Variants in SSC5D observed in about 807,000 individuals in gnomAD.
The protein encoded by SSC5D is soluble scavenger receptor cysteine-rich domain-containing protein SSC5D.
Under a neutral mutation model 104.6 loss-of-function variants are expected in SSC5D, and 106 were observed. That is an observed-to-expected ratio of 1.01 (90% CI 0.87 to 1.19). The LOEUF is 1.19. Among genes scored for constraint, SSC5D ranks in the 50% most tolerant of loss-of-function variants. The pLI is 0.00. For missense variants in SSC5D, 1,993 were observed against 2,153.8 expected (o/e 0.93, Z 1.48); for synonymous variants, 860 against 883.5 (o/e 0.97, Z 0.47).
intron 12 of SSC5D, among the ~76,000 whole-genome samples, chr19:55,501,538 G>C (rs943257729): frequency 1.3e-5 from 2 of 152,126 alleles, no homozygotes; most frequent in Non-Finnish European, 2.9e-5. Flanking sequence ...CCCCACCCCA[G>C]CTCCCCCAGA....
chr19:55,500,787 TG>T lies in SSC5D; in HGVS notation c.2604del (p.Leu869SerfsTer54). The T allele has an allele frequency of 6.5e-7, 1 of 1,546,898 alleles. No individual in the cohort carries two copies. Among genetic ancestry groups the T allele is most frequent in the Non-Finnish European group, 8.7e-7 (1 of 1,145,316 alleles). ...CACAACTGTGACCACGAGGAAGACG[TG>T]GGGCTCACCTGCACTGGTACCAGGG... The part of the protein sequence containing the change: ...GKHNCDHEED[V>X]GLTCTGYTDY... On this transcript the variant is annotated frameshift_variant, in exon 11 of 14. Coordinates refer to ENST00000389623, the MANE Select transcript of SSC5D (RefSeq NM_001144950.2). LOFTEE classifies it high-confidence loss of function. This position sits in a 1 kb window ranked among gnomAD's most constrained non-coding sequence, Gnocchi z 4.6.
intron 6 of SSC5D, chr19:55,492,648 G>C (rs941315856): frequency 6.6e-6 from 1 of 152,052 alleles, no homozygotes; most frequent in Non-Finnish European, 1.5e-5. Context: ...ACAGTGATTG[G>C]GGGCAATTCT....
intron 9 of SSC5D, among the ~76,000 whole-genome samples, 173 bp from the exon 10 acceptor site, chr19:55,499,643 C>G (rs553398165): frequency 6.6e-6 from 1 of 152,188 alleles, no homozygotes; most frequent in South Asian, 2.1e-4. Flanking sequence ...ACCCGAGGGT[C>G]TAATATGGTG....
chr19:55,518,927 A>C lies in SSC5D; in HGVS notation c.4651A>C (p.Thr1551Pro), dbSNP rs1987961496. 1 of 1,550,242 alleles carries C rather than the reference A, an allele frequency of 6.5e-7. No individual in the cohort carries two copies. Among genetic ancestry groups the C allele is most frequent in the South Asian group, 1.2e-5 (1 of 84,070 alleles). Residue 1551 changes from threonine to proline, a missense_variant, in exon 14 of 14, where the codon ACC (threonine) becomes CCC (proline). Transcript: ENST00000389623. ...AVKRLAEMAW[T>P]TSMPAPTTTT... is the part of the protein sequence containing the mutation. Reference sequence around the variant, plus strand: ...GAAGAGACTGGCAGAGATGGCCTGGACCACCAGCATGCCTGCACCAACCAC... The same window carrying C: ...GAAGAGACTGGCAGAGATGGCCTGGCCCACCAGCATGCCTGCACCAACCAC...
intron 8 of SSC5D, among the ~76,000 whole-genome samples, chr19:55,495,665 G>T (rs1239917432): frequency 6.6e-6 from 1 of 152,066 alleles, no homozygotes; most frequent in Non-Finnish European, 1.5e-5. Flanking sequence ...AGAGGATGGC[G>T]TGCCACACGG....
chr19:55,505,547 C>G (rs572828459), intron 12 of SSC5D, among the ~76,000 whole-genome samples: 1 of 151,896 alleles, frequency 6.6e-6, no homozygotes, highest in South Asian at 2.1e-4. Context: ...AAGGCGCCAG[C>G]AGGGTGGTTC....
chr19:55,516,320 A>AC (rs1284679982), intron 13 of SSC5D, among the ~76,000 whole-genome samples: 2 of 151,864 alleles, frequency 1.3e-5, no homozygotes, highest in African/African-American at 4.8e-5. Flanking sequence ...ACACGGTGAA[A>AC]CCCCGTCTCT....
chr19:55,493,862 G>T lies in SSC5D; in HGVS notation c.1163G>T (p.Trp388Leu). The stretch of plus-strand genomic sequence containing the variant: ...TTACGATTCTGCCCAGCTCGGCCCT[G>T]GGGCCAGCATGACTGTCACCACCGC... ...TALRFCPARP[W>L]GQHDCHHRED... is the part of the protein sequence containing the mutation. Residue 388 changes from tryptophan to leucine, a missense_variant, in exon 7 of 14, where the codon TGG becomes TTG. Coordinates refer to ENST00000389623, the MANE Select transcript of SSC5D (RefSeq NM_001144950.2). The T allele has an allele frequency of 6.5e-7, 1 of 1,549,034 alleles. No individual in the cohort carries two copies. Among genetic ancestry groups the T allele is most frequent in the Non-Finnish European group, 8.7e-7 (1 of 1,146,668 alleles).
At chr19:55,504,764 T>G (rs1429330196) in intron 12 of SSC5D, among the ~76,000 whole-genome samples, 1 of 152,126 alleles carries the variant, frequency 6.6e-6, no homozygotes, top group Non-Finnish European at 1.5e-5. Context: ...CCCGAAGTGC[T>G]GAGATTACAG....
chr19:55,500,381 C>T lies in SSC5D; in HGVS notation c.2271C>T (p.Pro757=), dbSNP rs1389879927. 5 of 1,551,288 alleles carry T rather than the reference C, an allele frequency of 3.2e-6. No homozygotes were observed. Among genetic ancestry groups the T allele is most frequent in the Non-Finnish European group, 4.4e-6 (5 of 1,146,860 alleles). The change falls in exon 10 of 14, where the codon CCC becomes CCT. Residue 757 remains proline, a synonymous_variant. Transcript: ENST00000389623. This position sits in a 1 kb window ranked among gnomAD's most constrained non-coding sequence, Gnocchi z 4.6. ...GSPESPKDPA[P]SPSVSTTGES... is the part of the protein sequence containing the mutation. ...CAGAGTCACCCAAAGACCCGGCCCC[C>T]TCTCCCAGTGTTAGCACCACTGGGG...
chr19:55,504,247 G>C (rs1987589474), intron 12 of SSC5D: 2 of 1,521,006 alleles, frequency 1.3e-6, no homozygotes, highest in African/African-American at 1.4e-5. Context: ...TGCGGAGACA[G>C]CGGGTCCGGC....
At position 55,490,987 on chromosome 19, in the gene SSC5D, G is replaced by T; in HGVS notation, c.802G>T (p.Gly268Ter). Residue 268 changes from glycine to a stop codon, truncating the protein, a stop_gained, in exon 6 of 14, where the codon GGA becomes TGA. Coordinates refer to ENST00000389623, the MANE Select transcript of SSC5D (RefSeq NM_001144950.2). LOFTEE classifies it high-confidence loss of function. ...CGTGTGGATGGACGATGTGGGGTGT[G>T]GAGGAGGAGAACAGGCCCTCCGAGA... is the stretch of plus-strand genomic sequence containing the variant. ...GPVWMDDVGC[G>*]GGEQALRDCP... 6.5e-7 allele frequency: 1 copy of T among 1,549,026 alleles called. No individual in the cohort carries two copies. The highest frequency in any genetic ancestry group is 8.7e-7 in the Non-Finnish European group (1 of 1,146,246).
intron 12 of SSC5D, among the ~76,000 whole-genome samples, chr19:55,506,502 C>A (rs552720772): frequency 1.1e-4 from 16 of 147,874 alleles, no homozygotes; most frequent in African/African-American, 4.0e-4. Flanking sequence ...TCACACCATT[C>A]TCCTGCCTCA....
At chr19:55,490,465 C>A in intron 5 of SSC5D, 57 bp downstream of exon 5, 1 of 657,340 alleles carries the variant, frequency 1.5e-6, no homozygotes, top group Non-Finnish European at 2.6e-6. Context: ...GGCCCAGGGC[C>A]CAGAAAAACT....
Position 55,517,438 on chromosome 19 carries a change from G to C in SSC5D, c.3162G>C (p.Pro1054=). 6.4e-7 allele frequency: 1 copy of C among 1,550,720 alleles called. No homozygotes were observed. The highest frequency in any genetic ancestry group is 1.7e-4 in the Middle Eastern group (1 of 5,992). ...ACACTTCACCACCCACCCCAGACCC[G>C]GCCTCCCGGACGAACCCCGACCTCA... ...APDTSPPTPD[P]ASRTNPDLIL... The change falls in exon 14 of 14, where the codon CCG becomes CCC. Residue 1054 remains proline, a synonymous_variant. Coordinates refer to ENST00000389623, the MANE Select transcript of SSC5D (RefSeq NM_001144950.2).
intron 8 of SSC5D, among the ~76,000 whole-genome samples, chr19:55,496,948 C>A (rs1317872319): frequency 6.6e-6 from 1 of 152,116 alleles, no homozygotes; most frequent in African/African-American, 2.4e-5. Context: ...TTAGTAGAGA[C>A]AGAGTTTCTC....
chr19:55,496,353 T>C (rs954676727), intron 8 of SSC5D, among the ~76,000 whole-genome samples: 3 of 152,146 alleles, frequency 2.0e-5, no homozygotes, highest in African/African-American at 7.2e-5. Context: ...TGTCAAAGCA[T>C]CAGAAATACA....
At chr19:55,510,797 GAGA>G (rs1340876546) in intron 12 of SSC5D, among the ~76,000 whole-genome samples, 1 of 151,876 alleles carries the variant, frequency 6.6e-6, no homozygotes, top group Non-Finnish European at 1.5e-5. Flanking sequence ...GTTTGTTTTT[GAGA>G]AGGAGTCTCA....
chr19:55,517,305 G>GT lies in SSC5D; in HGVS notation c.3030dup (p.Pro1011SerfsTer15). 6.5e-7 allele frequency: 1 copy of GT among 1,549,234 alleles called. No homozygotes were observed. The highest frequency in any genetic ancestry group is 1.2e-5 in the South Asian group (1 of 84,040). On this transcript the variant is annotated frameshift_variant, in exon 14 of 14. Coordinates refer to ENST00000389623, the MANE Select transcript of SSC5D (RefSeq NM_001144950.2). LOFTEE classifies it low-confidence loss of function (END_TRUNC). ...ACAGCGCCCCCAACCCCGTCCCCAG[G>GT]TCCCTCCGCCTCTCCGGGACCCCCA... is the stretch of plus-strand genomic sequence containing the variant.
Sources: gnomAD v4.1 joint callset for allele counts (sites outside exome capture counted in the v4.1 genomes callset) on GRCh38, gnomAD v4.1.1 for gene constraint, Gnocchi (gnomAD v3.1) non-coding constraint, MANE v1.5 for transcripts, NCBI Gene and HGNC (gene_info 2026-07-23, HGNC 2026-07-21) for gene names.